NSL1: variants seen among roughly 807,000 people sequenced by gnomAD.
NSL1 encodes kinetochore-associated protein NSL1 homolog.
A neutral mutation model predicts 25.4 loss-of-function variants in NSL1; 11 were observed. The ratio of observed to expected loss-of-function variants is 0.43; its 90% CI spans 0.27 to 0.72. The LOEUF is 0.72. Among genes scored for constraint, NSL1 ranks in the 30% least tolerant of loss-of-function variants. The pLI, the probability that NSL1 is intolerant of heterozygous loss-of-function variation, is 0.19. For missense variants in NSL1, 330 were observed against 342.7 expected (o/e 0.96, Z 0.29); for synonymous variants, 118 against 120.6 (o/e 0.98, Z 0.14).
Position 212,730,733 on chromosome 1 carries a change from TTAGTTCTAGTAGACG to T in NSL1, c.*7660_*7674del, listed in dbSNP as rs1300701619. 3 of 985,294 alleles carry T rather than the reference TTAGTTCTAGTAGACG, an allele frequency of 3.0e-6. No homozygotes were observed. The highest frequency in any genetic ancestry group is 6.1e-5 in the Admixed American group (1 of 16,264). 61.0% of individuals were successfully genotyped at this position (985,294 alleles called of 1,614,324 possible). On this transcript the variant is annotated 3_prime_UTR_variant, in exon 6 of 6. Transcript: ENST00000366977. ...TCCTGCAGGGATATGGGAATTAGAC[TTAGTTCTAGTAGACG>T]TAGTTCTAGTAGACAGGAGACTCTG...
In NSL1 at chr1:212,732,504, G is replaced by T; in HGVS notation, c.*5904C>A. 2.0e-6 allele frequency: 1 copy of T among 505,672 alleles called. No individual in the cohort carries two copies. Among genetic ancestry groups the T allele is most frequent in the Non-Finnish European group, 2.6e-6 (1 of 391,608 alleles). The allele number at this position is 505,672 out of a possible 1,614,324, so 31.3% of individuals were successfully genotyped here. On this transcript the variant is annotated 3_prime_UTR_variant, in exon 6 of 6. Coordinates refer to ENST00000366977, the MANE Select transcript of NSL1 (RefSeq NM_015471.4). ...ATTTTGTATTTTTAGTTGTTGGTCA[G>T]GCTGGTCTCCAATTCCCAGCCTCAG...
At chr1:212,752,402 A>C (rs1204980983) in intron 4 of NSL1, among the ~76,000 whole-genome samples, 1 of 152,222 alleles carries the variant, frequency 6.6e-6, no homozygotes, top group Non-Finnish European at 1.5e-5. Context: ...TTAGGAAAGA[A>C]GCGGAACTGC....
At chr1:212,763,522 C>A (rs1659667271) in intron 4 of NSL1, among the ~76,000 whole-genome samples, 1 of 152,130 alleles carries the variant, frequency 6.6e-6, no homozygotes, top group South Asian at 2.1e-4. Flanking sequence ...CACCAAGTAT[C>A]TGCTGTCATC....
chr1:212,754,583 C>A (rs1184756307), intron 4 of NSL1, among the ~76,000 whole-genome samples: 2 of 151,772 alleles, frequency 1.3e-5, no homozygotes, highest in Non-Finnish European at 2.9e-5. Context: ...TGGAGACTAG[C>A]CTGGCCAACA....
chr1:212,782,328 A>G (rs780416004), intron 4 of NSL1, 44 bp downstream of exon 4: 9 of 1,374,326 alleles, frequency 6.5e-6, no homozygotes, highest in South Asian at 5.8e-5. Context: ...CATAAAAATT[A>G]TAAGCAGATG....
rs926084568 is a variant in NSL1, at chr1:212,731,023, G to T, written c.*7385C>A. 2.2e-5 allele frequency: 22 copies of T among 985,298 alleles called. No individual in the cohort carries two copies. The African/African-American group carries it at 3.7e-4, about 16-fold the overall frequency. 61.0% of individuals were successfully genotyped at this position (985,298 alleles called of 1,614,324 possible). A position where few individuals can be genotyped will look rare whatever the true frequency, so the allele number is the denominator to read the frequency against. ...AGAGACACAGCAACGAATTACAAGG[G>T]ATTCTTTACCCCTGAAGCTTCAAAT... is the stretch of plus-strand genomic sequence containing the variant. On this transcript the variant is annotated 3_prime_UTR_variant, in exon 6 of 6. Transcript: ENST00000366977.
At chr1:212,743,228 G>A (rs112622659) in intron 4 of NSL1, among the ~76,000 whole-genome samples, 3,463 of 151,888 alleles carry the variant, frequency 0.023, 63 homozygotes, top group South Asian at 0.042. Flanking sequence ...GCAGTGGTGC[G>A]ATCTCAGCTC....
intron 4 of NSL1, 88 bp from the exon 5 acceptor site, chr1:212,739,689 G>A (rs1277343756): frequency 7.8e-7 from 1 of 1,285,210 alleles, no homozygotes; most frequent in East Asian, 2.5e-5. Flanking sequence ...AAGGCATATA[G>A]ATGCTATCTG....
chr1:212,729,171 G>T lies in NSL1; in HGVS notation c.*9237C>A. On this transcript the variant is annotated 3_prime_UTR_variant, in exon 6 of 6. Transcript: ENST00000366977. ...AGACAAAATCATTTCTTGCAAGCAG[G>T]TAATTCCACAGAAGTTTCCAAACCC... The T allele has an allele frequency of 2.0e-6, 2 of 985,424 alleles. No individual in the cohort carries two copies. The highest frequency in any genetic ancestry group is 9.4e-5 in the South Asian group (2 of 21,284). The allele number at this position is 985,424 out of a possible 1,614,324, so 61.0% of individuals were successfully genotyped here. A position where few individuals can be genotyped will look rare whatever the true frequency, so the allele number is the denominator to read the frequency against.
intron 4 of NSL1, among the ~76,000 whole-genome samples, chr1:212,769,881 A>T (rs1660018831): frequency 6.6e-6 from 1 of 152,226 alleles, no homozygotes; most frequent in Admixed American, 6.5e-5. Context: ...TAAATAGATT[A>T]TCCACTTAAA....
At position 212,731,314 on chromosome 1, in the gene NSL1, G is replaced by A; in HGVS notation, c.*7094C>T. On this transcript the variant is annotated 3_prime_UTR_variant, in exon 6 of 6. Transcript: ENST00000366977. ...CTCATTCCTGTAATCCCAGCACTTT[G>A]GGAAGCTGAGGCAGGAGGATGGCTT... 2 of 983,060 alleles carry A rather than the reference G, an allele frequency of 2.0e-6. No homozygotes were observed. Among genetic ancestry groups the A allele is most frequent in the Non-Finnish European group, 2.4e-6 (2 of 827,862 alleles). The allele number at this position is 983,060 out of a possible 1,614,324, so 60.9% of individuals were successfully genotyped here. A position where few individuals can be genotyped will look rare whatever the true frequency, so the allele number is the denominator to read the frequency against.
At chr1:212,743,165 T>C (rs567491572) in intron 4 of NSL1, among the ~76,000 whole-genome samples, 1 of 151,306 alleles carries the variant, frequency 6.6e-6, no homozygotes, top group South Asian at 2.1e-4. Context: ...TTTACTTTGG[T>C]TTTTTTTTCT....
At position 212,730,456 on chromosome 1, in the gene NSL1, C is replaced by T; in HGVS notation, c.*7952G>A. On this transcript the variant is annotated 3_prime_UTR_variant, in exon 6 of 6. Transcript: ENST00000366977. ...TTAAAATCTGCAACTAGGTATGAGC[C>T]CAAAGGCACTGGAGCCATTCTCTGA... 1 of 985,154 alleles carries T rather than the reference C, an allele frequency of 1.0e-6. No individual in the cohort carries two copies. The highest frequency in any genetic ancestry group is 1.2e-6 in the Non-Finnish European group (1 of 829,902). The allele number at this position is 985,154 out of a possible 1,614,324, so 61.0% of individuals were successfully genotyped here. A position where few individuals can be genotyped will look rare whatever the true frequency, so the allele number is the denominator to read the frequency against.
At chr1:212,755,001 A>G (rs1351039306) in intron 4 of NSL1, among the ~76,000 whole-genome samples, 1 of 152,190 alleles carries the variant, frequency 6.6e-6, no homozygotes, top group African/African-American at 2.4e-5. Context: ...CAAACCTACT[A>G]GACAGAGGGA....
intron 1 of NSL1, among the ~76,000 whole-genome samples, chr1:212,788,488 T>C (rs1661043742): frequency 6.6e-6 from 1 of 152,164 alleles, no homozygotes; most frequent in South Asian, 2.1e-4. Context: ...TTTGTAAGGT[T>C]GAAAATGTTC....
chr1:212,768,832 A>G lies in NSL1; in HGVS notation c.499+13540T>C, dbSNP rs371089564. On this transcript the variant is annotated intron_variant, in intron 4 of 5. Coordinates refer to ENST00000366977, the MANE Select transcript of NSL1 (RefSeq NM_015471.4). Reference sequence around the variant, plus strand: ...GAAATCACCACTAAATAGCTCATCCATGTAACCAAAAACCACCTGTGACCC... The same window carrying G: ...GAAATCACCACTAAATAGCTCATCCGTGTAACCAAAAACCACCTGTGACCC... Among the ~76,000 whole-genome samples, 6 of 152,216 alleles carry G rather than the reference A, an allele frequency of 3.9e-5. No individual in the cohort carries two copies. In the East Asian group the frequency reaches 1.2e-3, roughly 29 times the overall value.
intron 4 of NSL1, among the ~76,000 whole-genome samples, chr1:212,771,399 T>C (rs1047029638): frequency 6.6e-6 from 1 of 152,030 alleles, no homozygotes; most frequent in East Asian, 1.9e-4. Context: ...GCAGCTAACA[T>C]ACTGAATGAG....
rs1244979310 is a variant in NSL1 at position 212,727,834 on chromosome 1, T to C, written c.*10574A>G. ...ACTAGTATTACATAGTAATATTCAC[T>C]ATTCGTTAACTGCTGGGAAATTTAA... On this transcript the variant is annotated 3_prime_UTR_variant, in exon 6 of 6. Coordinates refer to ENST00000366977, the MANE Select transcript of NSL1 (RefSeq NM_015471.4). 2.0e-6 allele frequency: 2 copies of C among 983,676 alleles called. No individual in the cohort carries two copies. Among genetic ancestry groups the C allele is most frequent in the East Asian group, 2.3e-4 (2 of 8,806 alleles). The allele number at this position is 983,676 out of a possible 1,614,324, so 60.9% of individuals were successfully genotyped here.
chr1:212,757,893 A>G (rs1027236092), intron 4 of NSL1, among the ~76,000 whole-genome samples: 1 of 152,234 alleles, frequency 6.6e-6, no homozygotes, highest in African/African-American at 2.4e-5. Flanking sequence ...CAGGAGAGAC[A>G]GATTTGGTTG....
Sources: gnomAD v4.1 joint callset for allele counts (sites outside exome capture counted in the v4.1 genomes callset) on GRCh38, gnomAD v4.1.1 for gene constraint, MANE v1.5 for transcripts, NCBI Gene and HGNC (gene_info 2026-07-23, HGNC 2026-07-21) for gene names.